LRRTM4: variants seen among roughly 807,000 people sequenced by gnomAD.
The protein encoded by LRRTM4 is leucine rich repeat transmembrane neuronal 4, also known as leucine-rich repeat transmembrane neuronal protein 4.
LRRTM4 carries 25 observed loss-of-function variants against 47.6 expected under a neutral mutation model. The ratio of observed to expected loss-of-function variants is 0.53; its 90% CI spans 0.38 to 0.73. The LOEUF is 0.73. Among genes scored for constraint, LRRTM4 ranks in the 30% least tolerant of loss-of-function variants. LRRTM4 has a pLI of 0.00. For synonymous variants in LRRTM4, 311 were observed against 269.5 expected, an observed-to-expected ratio of 1.15 and a Z score of -1.51; for missense variants, 638 against 713.4, an observed-to-expected ratio of 0.89 and a Z score of 1.20.
intron 3 of LRRTM4, among the ~76,000 whole-genome samples, chr2:77,116,269 A>G (rs543394278): frequency 2.1e-5 from 3 of 146,326 alleles, no homozygotes; most frequent in East Asian, 2.0e-4. Context: ...TTTGAGTTTG[A>G]AAAAAAAAAA....
chr2:77,209,711 A>G (rs1339742637), intron 3 of LRRTM4, among the ~76,000 whole-genome samples: 1 of 152,250 alleles, frequency 6.6e-6, no homozygotes, highest in Non-Finnish European at 1.5e-5. Context: ...CATTTTCTAA[A>G]AGGCATAAAA....
At chr2:77,013,224 G>A (rs889065924) in intron 3 of LRRTM4, among the ~76,000 whole-genome samples, 1 of 152,186 alleles carries the variant, frequency 6.6e-6, no homozygotes. Flanking sequence ...GCAAAGAGCA[G>A]GAGAAGGCAT....
At chr2:77,446,701 G>A (rs1676067464) in intron 3 of LRRTM4, among the ~76,000 whole-genome samples, 1 of 151,970 alleles carries the variant, frequency 6.6e-6, no homozygotes, top group Admixed American at 6.6e-5. Context: ...GCCATAACAA[G>A]ACAGCACTTT....
At chr2:77,425,919 C>A (rs1675085803) in intron 3 of LRRTM4, among the ~76,000 whole-genome samples, 1 of 151,714 alleles carries the variant, frequency 6.6e-6, no homozygotes, top group Admixed American at 6.6e-5. Context: ...GTATTTGAGA[C>A]CAGCCTGGTC....
At position 77,055,464 on chromosome 2, in the gene LRRTM4, G is replaced by T. The variant is rs1011951124; in HGVS notation, c.1552-306548C>A. ...ATGCTCACCATCACTGCCCATCAGAGAAATGCAAATCAAAACCACCATGAG... is the reference window on the plus strand; with the variant it reads ...ATGCTCACCATCACTGCCCATCAGATAAATGCAAATCAAAACCACCATGAG... On this transcript the variant is annotated intron_variant, in intron 3 of 3. Transcript: ENST00000409884. 2.0e-5 allele frequency among the ~76,000 whole-genome samples: 3 copies of T among 152,170 alleles called. No individual in the cohort carries two copies. The South Asian group carries it at 6.2e-4, about 32-fold the overall frequency.
At chr2:76,781,709 G>A (rs746039769) in intron 3 of LRRTM4, among the ~76,000 whole-genome samples, 6 of 152,114 alleles carry the variant, frequency 3.9e-5, no homozygotes, top group Non-Finnish European at 7.4e-5. Context: ...GAAATCACCC[G>A]TCCTCTGCGT....
At chr2:76,763,562 G>A (rs1673340765) in intron 3 of LRRTM4, among the ~76,000 whole-genome samples, 1 of 152,156 alleles carries the variant, frequency 6.6e-6, no homozygotes, top group African/African-American at 2.4e-5. Flanking sequence ...AATTTATGTT[G>A]TTTAAGCCAC....
chr2:77,372,950 A>G (rs1372189200), intron 3 of LRRTM4, among the ~76,000 whole-genome samples: 1 of 71,196 alleles, frequency 1.4e-5, no homozygotes, highest in Non-Finnish European at 4.0e-5. Context: ...ACTTCTGAAT[A>G]AAAAAAAAAG....
At chr2:77,004,543 G>T (rs1677562254) in intron 3 of LRRTM4, among the ~76,000 whole-genome samples, 1 of 152,186 alleles carries the variant, frequency 6.6e-6, no homozygotes, top group South Asian at 2.1e-4. Flanking sequence ...GTGCTACAGT[G>T]GTGGTGCCCT....
chr2:76,983,932 A>G (rs551122223), intron 3 of LRRTM4, among the ~76,000 whole-genome samples: 4 of 152,222 alleles, frequency 2.6e-5, no homozygotes, highest in South Asian at 4.1e-4. Flanking sequence ...TATTTTTCAT[A>G]TACTTTTTTA....
intron 3 of LRRTM4, among the ~76,000 whole-genome samples, chr2:76,884,310 A>T (rs909039405): frequency 2.0e-5 from 3 of 152,212 alleles, no homozygotes; most frequent in African/African-American, 7.2e-5. Flanking sequence ...GGAGCTAATT[A>T]TTAATAGAAA....
chr2:77,206,589 A>G (rs1437446591), intron 3 of LRRTM4, among the ~76,000 whole-genome samples: 1 of 151,902 alleles, frequency 6.6e-6, no homozygotes, highest in Non-Finnish European at 1.5e-5. Context: ...GGTTCAAGAG[A>G]TTCTCATGCC....
At chr2:77,065,878 A>T (rs565404638) in intron 3 of LRRTM4, among the ~76,000 whole-genome samples, 1 of 152,292 alleles carries the variant, frequency 6.6e-6, no homozygotes, top group African/African-American at 2.4e-5. Context: ...TGCTAGCCTT[A>T]TGTATCTCAC....
intron 3 of LRRTM4, among the ~76,000 whole-genome samples, chr2:77,024,801 AT>A (rs1678396376): frequency 6.6e-6 from 1 of 152,158 alleles, no homozygotes; most frequent in African/African-American, 2.4e-5. Context: ...TTGGAAACAC[AT>A]TTTAAACACT....
chr2:76,919,202 T>G (rs1485624942), intron 3 of LRRTM4, among the ~76,000 whole-genome samples: 1 of 151,540 alleles, frequency 6.6e-6, no homozygotes, highest in Non-Finnish European at 1.5e-5. Context: ...GCAGTGGGAG[T>G]TCAATCATAT....
intron 3 of LRRTM4, among the ~76,000 whole-genome samples, chr2:76,830,132 T>C (rs1274276301): frequency 6.6e-6 from 1 of 152,050 alleles, no homozygotes; most frequent in African/African-American, 2.4e-5. Flanking sequence ...GAAGTAACAG[T>C]AACCTGATTA....
At chr2:76,780,436 AT>A (rs1674307207) in intron 3 of LRRTM4, among the ~76,000 whole-genome samples, 1 of 151,926 alleles carries the variant, frequency 6.6e-6, no homozygotes, top group African/African-American at 2.4e-5. Context: ...ATAGTCCCAT[AT>A]TTCTTGGAGG....
intron 3 of LRRTM4, among the ~76,000 whole-genome samples, chr2:77,514,503 T>C (rs892152972): frequency 6.6e-6 from 1 of 152,074 alleles, no homozygotes; most frequent in Non-Finnish European, 1.5e-5. Context: ...AGTATATTTT[T>C]AAAATTTTGC....
At chr2:76,960,312 A>G (rs973204401) in intron 3 of LRRTM4, among the ~76,000 whole-genome samples, 3 of 147,436 alleles carry the variant, frequency 2.0e-5, no homozygotes, top group South Asian at 4.1e-4. Context: ...AACATAAAAC[A>G]TAAACAGTGG....
Sources: allele counts gnomAD v4.1 joint callset (sites outside exome capture counted in the v4.1 genomes callset), GRCh38; gene constraint gnomAD v4.1.1; transcripts MANE v1.5; gene names NCBI Gene and HGNC (gene_info 2026-07-23, HGNC 2026-07-21).